The following CNGB3 variants were observed in gnomAD, a reference collection of about 807,000 sequenced individuals.
The protein encoded by CNGB3 is cyclic nucleotide-gated channel beta-3.
In CNGB3, 86 loss-of-function variants were observed where a neutral mutation model predicts 92.8. That is an observed-to-expected ratio of 0.93 (90% CI 0.78 to 1.11). The LOEUF is 1.11. Among genes scored for constraint, CNGB3 ranks in the 50% least tolerant of loss-of-function variants. CNGB3 has a pLI of 0.00. For synonymous variants in CNGB3, 333 were observed against 332.7 expected (o/e 1.00, Z -0.01); for missense variants, 1,026 against 956.8 (o/e 1.07, Z -0.95).
chr8:86,600,633 A>G (rs994107610), intron 15 of CNGB3, among the ~76,000 whole-genome samples: 1 of 148,346 alleles, frequency 6.7e-6, no homozygotes, highest in Non-Finnish European at 1.5e-5. Flanking sequence ...TTTTTGTGAC[A>G]GAGTCTCGCC....
chr8:86,662,669 T>G (rs922303333), intron 6 of CNGB3, among the ~76,000 whole-genome samples: 15 of 152,322 alleles, frequency 9.8e-5, no homozygotes, highest in African/African-American at 3.6e-4. Flanking sequence ...ACATTTGCAG[T>G]AGGGAGGAGC....
At chr8:86,674,227 C>T (rs1823920816) in intron 3 of CNGB3, among the ~76,000 whole-genome samples, 1 of 152,100 alleles carries the variant, frequency 6.6e-6, no homozygotes, top group African/African-American at 2.4e-5. Context: ...TTTTTCTTTC[C>T]CTGAATTATC....
chr8:86,588,021 C>T (rs1415316730), intron 15 of CNGB3, among the ~76,000 whole-genome samples: 31 of 142,692 alleles, frequency 2.2e-4, no homozygotes, highest in East Asian at 1.0e-3. Context: ...CCTTGAGCAG[C>T]GGTTTGTAGT....
chr8:86,637,900 A>G (rs1027468029), intron 10 of CNGB3, among the ~76,000 whole-genome samples: 1 of 152,164 alleles, frequency 6.6e-6, no homozygotes, highest in Non-Finnish European at 1.5e-5. Flanking sequence ...AATGCGCCAG[A>G]GGCAATCACC....
At chr8:86,718,897 T>C (rs1052063640) in intron 3 of CNGB3, among the ~76,000 whole-genome samples, 1 of 152,024 alleles carries the variant, frequency 6.6e-6, no homozygotes, top group African/African-American at 2.4e-5. Flanking sequence ...ATACATCACA[T>C]AAACGGGATT....
chr8:86,580,956 A>C (rs1389277628), intron 15 of CNGB3, among the ~76,000 whole-genome samples: 4 of 152,232 alleles, frequency 2.6e-5, no homozygotes, highest in Non-Finnish European at 5.9e-5. Context: ...AAGAAGCTGC[A>C]TGGGCCCTGT....
intron 9 of CNGB3, 119 bp downstream of exon 9, chr8:86,644,503 C>T: frequency 7.5e-7 from 1 of 1,338,850 alleles, no homozygotes; most frequent in Non-Finnish European, 1.0e-6. Flanking sequence ...TTTTATATAG[C>T]CAAAGCTGAA....
intron 15 of CNGB3, among the ~76,000 whole-genome samples, chr8:86,589,645 G>A (rs1233665992): frequency 4.6e-5 from 7 of 152,120 alleles, no homozygotes; most frequent in South Asian, 2.1e-4. Context: ...GTAGTTGAGC[G>A]GTTTTGAGTG....
Position 86,644,560 on chromosome 8 carries a change from C to T in CNGB3, c.1055+62G>A, listed in dbSNP as rs111964727. 41 of 1,575,064 alleles carry T rather than the reference C, an allele frequency of 2.6e-5. 1 individual carries two copies. The highest frequency in any genetic ancestry group is 1.5e-4 in the South Asian group (13 of 88,824). ...GGGGGGTCATATCCCTGCCAAATTC[C>T]GTCTAAAATGTTGTACCATTGCTTT... On this transcript the variant is annotated intron_variant, in intron 9 of 17. Coordinates refer to ENST00000320005, the MANE Select transcript of CNGB3 (RefSeq NM_019098.5).
Position 86,687,835 on chromosome 8 carries a change from C to T in CNGB3, c.339-16737G>A, listed in dbSNP as rs1161354628. Among the ~76,000 whole-genome samples the T allele has an allele frequency of 3.3e-5, 5 of 151,864 alleles. No homozygotes were observed. In the East Asian group the frequency reaches 7.7e-4, roughly 23 times the overall value. On this transcript the variant is annotated intron_variant, in intron 3 of 17. Transcript: ENST00000320005. Reference sequence around the variant, plus strand: ...GAAGCATAGTACAGTATAGGACAACCTTGTAGTATGGTAAGTTCCAAATCA... The same window carrying T: ...GAAGCATAGTACAGTATAGGACAACTTTGTAGTATGGTAAGTTCCAAATCA...
intron 13 of CNGB3, among the ~76,000 whole-genome samples, chr8:86,612,716 G>GAGA (rs1258306435): frequency 6.6e-6 from 1 of 152,198 alleles, no homozygotes; most frequent in Non-Finnish European, 1.5e-5. Context: ...AGCCATTGGT[G>GAGA]AGAAGCATTC....
chr8:86,585,754 G>A (rs974259671), intron 15 of CNGB3, among the ~76,000 whole-genome samples: 1 of 152,128 alleles, frequency 6.6e-6, no homozygotes, highest in Non-Finnish European at 1.5e-5. Context: ...CAAAGTGGTA[G>A]AAAACTTCAT....
chr8:86,659,628 A>T (rs568422401), intron 6 of CNGB3: 2 of 522,062 alleles, frequency 3.8e-6, no homozygotes, highest in East Asian at 9.7e-5. Flanking sequence ...CGCGCCAGGA[A>T]TACTGCAGGC....
chr8:86,625,957 A>G (rs751357785), intron 13 of CNGB3, 26 bp downstream of exon 13: 5 of 1,527,848 alleles, frequency 3.3e-6, no homozygotes, highest in Admixed American at 3.4e-5. Flanking sequence ...ATAGATACAG[A>G]GTCTATTAAT....
intron 3 of CNGB3, among the ~76,000 whole-genome samples, chr8:86,686,170 T>G (rs1824184404): frequency 6.6e-6 from 1 of 152,102 alleles, no homozygotes; most frequent in Non-Finnish European, 1.5e-5. Flanking sequence ...CCAAATTACT[T>G]ACCATGTCTT....
chr8:86,716,628 TG>T (rs1452622233), intron 3 of CNGB3, among the ~76,000 whole-genome samples: 1 of 152,122 alleles, frequency 6.6e-6, no homozygotes, highest in Non-Finnish European at 1.5e-5. Context: ...CTAAGCATCA[TG>T]AAAGAAGGAA....
At chr8:86,724,374 GACTTGGAGAGTC>G (rs1297274790) in intron 3 of CNGB3, among the ~76,000 whole-genome samples, 2 of 152,176 alleles carry the variant, frequency 1.3e-5, no homozygotes, top group African/African-American at 4.8e-5. Flanking sequence ...GGAATGGGAA[GACTTGGAGAGTC>G]ACTTGTGTCT....
intron 9 of CNGB3, 99 bp downstream of exon 9, chr8:86,644,523 T>C: frequency 1.4e-6 from 2 of 1,466,598 alleles, no homozygotes. Flanking sequence ...AATTATATCC[T>C]TTTTTTGAAG....
chr8:86,685,452 A>T (rs1824168042), intron 3 of CNGB3, among the ~76,000 whole-genome samples: 1 of 152,092 alleles, frequency 6.6e-6, no homozygotes, highest in Non-Finnish European at 1.5e-5. Context: ...TCATAAGAGG[A>T]GTCTTGCAAT....
Sources: gnomAD v4.1 joint callset for allele counts (sites outside exome capture counted in the v4.1 genomes callset) on GRCh38, gnomAD v4.1.1 for gene constraint, MANE v1.5 for transcripts, NCBI Gene and HGNC (gene_info 2026-07-23, HGNC 2026-07-21) for gene names.